The following ITGA4 variants were observed in gnomAD, a reference collection of about 807,000 sequenced individuals.
ITGA4 encodes the protein integrin subunit alpha 4.
A neutral mutation model predicts 133.6 loss-of-function variants in ITGA4; 63 were observed. The observed-to-expected ratio is 0.47, with a 90% confidence interval of 0.38 to 0.58. The LOEUF is 0.58. Among genes scored for constraint, ITGA4 ranks in the 20% least tolerant of loss-of-function variants. The pLI is 0.00. For synonymous variants in ITGA4, 483 were observed against 438.0 expected (o/e 1.10, Z -1.28); for missense variants, 1,076 against 1,252.7 (o/e 0.86, Z 2.13).
At chr2:181,522,115 A>G in intron 17 of ITGA4, 76 bp from the exon 18 acceptor site, 1 of 791,452 alleles carries the variant, frequency 1.3e-6, no homozygotes, top group Non-Finnish European at 2.0e-6. Context: ...TTATATACAT[A>G]TATCCTTGTA....
intron 15 of ITGA4, among the ~76,000 whole-genome samples, chr2:181,500,437 C>T (rs1309041825): frequency 6.6e-6 from 1 of 152,112 alleles, no homozygotes. Context: ...GAAACATTAA[C>T]ACTCTTAAGT....
At chr2:181,522,153 T>C in intron 17 of ITGA4, 38 bp from the exon 18 acceptor site, 1 of 1,316,066 alleles carries the variant, frequency 7.6e-7, no homozygotes, top group Non-Finnish European at 1.1e-6. Flanking sequence ...GATTTTTATT[T>C]CCTAAACAAG....
chr2:181,535,056 C>A, intron 27 of ITGA4, 121 bp downstream of exon 27: 2 of 1,103,748 alleles, frequency 1.8e-6, no homozygotes, highest in Non-Finnish European at 2.5e-6. Flanking sequence ...TTTTATGTTG[C>A]TCAGTACTGA....
chr2:181,519,257 G>A (rs905341563), intron 17 of ITGA4, among the ~76,000 whole-genome samples: 13 of 151,964 alleles, frequency 8.6e-5, no homozygotes, highest in Admixed American at 6.6e-4. Flanking sequence ...ATACAAAACC[G>A]AACAAAACCA....
intron 21 of ITGA4, among the ~76,000 whole-genome samples, chr2:181,526,131 G>A (rs1686826331): frequency 6.6e-6 from 1 of 152,142 alleles, no homozygotes; most frequent in African/African-American, 2.4e-5. Context: ...TTGAGATAAA[G>A]CAAACGGGTG....
At chr2:181,498,558 C>A in intron 14 of ITGA4, 65 bp from the exon 15 acceptor site, 1 of 1,020,168 alleles carries the variant, frequency 9.8e-7, no homozygotes. Context: ...ACTATTATCA[C>A]TTCAAAAATA....
In ITGA4 at chr2:181,457,536, G is replaced by A; in HGVS notation, c.-119G>A. ...CCCTCTCTCCTTCCTTTAGCCCGCT[G>A]GCGCCGGACACGCTGCGCCTCATCT... On this transcript the variant is annotated 5_prime_UTR_variant, in exon 1 of 28. Coordinates refer to ENST00000397033, the MANE Select transcript of ITGA4 (RefSeq NM_000885.6). 3.2e-6 allele frequency: 3 copies of A among 939,658 alleles called. No homozygotes were observed. Among genetic ancestry groups the A allele is most frequent in the Non-Finnish European group, 4.7e-6 (3 of 638,538 alleles). 58.2% of individuals were successfully genotyped at this position (939,658 alleles called of 1,614,324 possible).
At position 181,535,807 on chromosome 2, in the gene ITGA4, G is replaced by T; in HGVS notation, c.*280G>T. The stretch of plus-strand genomic sequence containing the variant: ...ATTTATTCAAGAAAAGTAAGCCCTT[G>T]AAGATATCTTGAAATGAAAGTATAA... On this transcript the variant is annotated 3_prime_UTR_variant, in exon 28 of 28. Coordinates refer to ENST00000397033, the MANE Select transcript of ITGA4 (RefSeq NM_000885.6). 4.3e-6 allele frequency: 1 copy of T among 231,068 alleles called. No individual in the cohort carries two copies. Among genetic ancestry groups the T allele is most frequent in the South Asian group, 9.8e-5 (1 of 10,208 alleles). The allele number at this position is 231,068 out of a possible 1,614,324, so 14.3% of individuals were successfully genotyped here. A position where few individuals can be genotyped will look rare whatever the true frequency, so the allele number is the denominator to read the frequency against.
chr2:181,525,317 C>T, intron 21 of ITGA4, 26 bp downstream of exon 21: 1 of 1,210,560 alleles, frequency 8.3e-7, no homozygotes, highest in Non-Finnish European at 1.2e-6. Context: ...GGCTTCCTTT[C>T]AAATTTAGAG....
intron 10 of ITGA4, among the ~76,000 whole-genome samples, chr2:181,492,266 A>G (rs1359544101): frequency 1.5e-5 from 2 of 129,764 alleles, no homozygotes; most frequent in African/African-American, 5.1e-5. Context: ...CAAAGTAAAT[A>G]TAGGTGTCTA....
chr2:181,529,713 C>A, intron 23 of ITGA4, 65 bp downstream of exon 23: 2 of 824,514 alleles, frequency 2.4e-6, no homozygotes, highest in Non-Finnish European at 4.1e-6. Context: ...AAATGCAAAC[C>A]AATCCTTTAT....
intron 2 of ITGA4, among the ~76,000 whole-genome samples, chr2:181,460,764 A>T (rs1685257102): frequency 1.3e-5 from 2 of 152,322 alleles, no homozygotes; most frequent in South Asian, 4.1e-4. Flanking sequence ...ATCTGTAACA[A>T]GCAGGCTGAG....
chr2:181,502,655 T>C (rs1275902400), intron 15 of ITGA4, among the ~76,000 whole-genome samples: 1 of 152,066 alleles, frequency 6.6e-6, no homozygotes, highest in Non-Finnish European at 1.5e-5. Context: ...ACTCATCAAC[T>C]GGAGTAGGGA....
At chr2:181,491,160 T>C (rs1231225147) in intron 10 of ITGA4, among the ~76,000 whole-genome samples, 1 of 152,228 alleles carries the variant, frequency 6.6e-6, no homozygotes, top group Non-Finnish European at 1.5e-5. Flanking sequence ...TGGGCCTTTT[T>C]AATATTTTGG....
chr2:181,530,660 G>A lies in ITGA4; in HGVS notation c.2664+11G>A, dbSNP rs1559058194. The A allele has an allele frequency of 1.2e-6, 2 of 1,605,738 alleles. No homozygotes were observed. The highest frequency in any genetic ancestry group is 2.2e-5 in the South Asian group (2 of 90,058). ...GATAAGAGGCTATTGGTAAGTTTCAGTTTTTCAGGTTGTAGTTCCTGCTTT... is the reference window on the plus strand; with the variant it reads ...GATAAGAGGCTATTGGTAAGTTTCAATTTTTCAGGTTGTAGTTCCTGCTTT... On this transcript the variant is annotated intron_variant, in intron 24 of 27. Coordinates refer to ENST00000397033, the MANE Select transcript of ITGA4 (RefSeq NM_000885.6).
intron 14 of ITGA4, among the ~76,000 whole-genome samples, chr2:181,497,993 T>G (rs1481199876): frequency 6.6e-6 from 1 of 151,970 alleles, no homozygotes; most frequent in Non-Finnish European, 1.5e-5. Flanking sequence ...TTTTTAAAAA[T>G]TGCACAAATT....
At chr2:181,477,990 G>GTA (rs920264272) in intron 4 of ITGA4, among the ~76,000 whole-genome samples, 42 of 152,040 alleles carry the variant, frequency 2.8e-4, no homozygotes, top group African/African-American at 1.0e-3. Flanking sequence ...TGTGTGAGGT[G>GTA]TATATATACA....
chr2:181,492,466 T>C (rs537362842), intron 10 of ITGA4, among the ~76,000 whole-genome samples: 1 of 152,340 alleles, frequency 6.6e-6, no homozygotes, highest in East Asian at 1.9e-4. Flanking sequence ...CTACTTTAGG[T>C]TTCTATTAAA....
intron 22 of ITGA4, among the ~76,000 whole-genome samples, chr2:181,528,596 G>A (rs1022305552): frequency 3.3e-5 from 5 of 152,220 alleles, no homozygotes; most frequent in African/African-American, 9.6e-5. Flanking sequence ...GACCTTGTCT[G>A]TAGTATTGGG....
Sources: gnomAD v4.1 joint callset for allele counts (sites outside exome capture counted in the v4.1 genomes callset) on GRCh38, gnomAD v4.1.1 for gene constraint, MANE v1.5 for transcripts, NCBI Gene and HGNC (gene_info 2026-07-23, HGNC 2026-07-21) for gene names.